Variants in ZFAT observed in about 807,000 individuals in gnomAD.
ZFAT encodes zinc finger and AT-hook domain containing.
Under a neutral mutation model 117.7 loss-of-function variants are expected in ZFAT, and 64 were observed. That is an observed-to-expected ratio of 0.54 (90% CI 0.44 to 0.67). The LOEUF (loss-of-function observed/expected upper bound fraction) is 0.67, where lower values mean the gene tolerates loss of function less well. ZFAT is among the 30% of genes least tolerant of loss of function. The pLI is 0.00. For synonymous variants in ZFAT, 679 were observed against 615.0 expected (o/e 1.10, Z -1.54); for missense variants, 1,433 against 1,584.5 (o/e 0.90, Z 1.62).
the ZFAT span, among the ~76,000 whole-genome samples, chr8:134,782,711 G>A: frequency 6.6e-6 from 1 of 152,064 alleles, no homozygotes; most frequent in Admixed American, 6.6e-5. Flanking sequence ...TGCCATGCAA[G>A]ATGTGCCTTT....
At chr8:134,721,292 G>A in the ZFAT span, among the ~76,000 whole-genome samples, 11 of 152,206 alleles carry the variant, frequency 7.2e-5, no homozygotes, top group African/African-American at 1.9e-4. Flanking sequence ...ACCCGGGCCC[G>A]ATGTGAAATG....
intron 14 of ZFAT, among the ~76,000 whole-genome samples, chr8:134,511,569 A>C (rs1352830915): frequency 2.0e-5 from 3 of 152,122 alleles, no homozygotes. Context: ...AACTGGGTAA[A>C]AATGGTGTCT....
chr8:134,528,389 T>C (rs16905165), intron 12 of ZFAT, among the ~76,000 whole-genome samples: 25,780 of 152,224 alleles, frequency 0.17, 2,416 homozygotes, highest in Admixed American at 0.3. Flanking sequence ...TTATTGAATC[T>C]GGGCCCTAAT....
intron 3 of ZFAT, among the ~76,000 whole-genome samples, chr8:134,631,750 G>C (rs1361127565): frequency 1.3e-5 from 2 of 152,196 alleles, no homozygotes; most frequent in East Asian, 3.8e-4. Context: ...CAAATTGGCA[G>C]CAAGCCACGC....
chr8:134,641,559 T>C (rs1231505411), intron 2 of ZFAT, among the ~76,000 whole-genome samples: 1 of 152,174 alleles, frequency 6.6e-6, no homozygotes, highest in Non-Finnish European at 1.5e-5. Context: ...GTAGGGTGTG[T>C]ATGCGCCCAC....
the ZFAT span, among the ~76,000 whole-genome samples, chr8:134,824,434 AAAC>A: frequency 5.1e-4 from 77 of 152,338 alleles, no homozygotes; most frequent in Non-Finnish European, 9.1e-4. Context: ...TCGTATTTTT[AAAC>A]AACAGAACCT....
chr8:134,592,796 C>A (rs922366435), intron 7 of ZFAT, among the ~76,000 whole-genome samples: 5 of 152,114 alleles, frequency 3.3e-5, no homozygotes, highest in Admixed American at 3.3e-4. Flanking sequence ...TGTTCCCCAG[C>A]GTACACTTAG....
rs1831682945 is a variant in ZFAT, at chr8:134,657,551, G to T, written c.196+10C>A. ...AGAAGGTATCCTGCCCCACCCCCCA[G>T]CCCCCTTACCATCTCCGGTTTTGCT... is the stretch of plus-strand genomic sequence containing the variant. On this transcript the variant is annotated intron_variant, in intron 2 of 15. Transcript: ENST00000377838. 2 of 1,602,652 alleles carry T rather than the reference G, an allele frequency of 1.2e-6. No homozygotes were observed. Among genetic ancestry groups the T allele is most frequent in the African/African-American group, 2.7e-5 (2 of 74,738 alleles).
At chr8:134,678,454 A>G (rs1389585015) in intron 1 of ZFAT, among the ~76,000 whole-genome samples, 2 of 152,198 alleles carry the variant, frequency 1.3e-5, no homozygotes, top group African/African-American at 4.8e-5. Context: ...GACACAAACA[A>G]ATGGAAAAAT....
intron 3 of ZFAT, among the ~76,000 whole-genome samples, chr8:134,626,634 A>G (rs1007639023): frequency 6.6e-6 from 1 of 152,200 alleles, no homozygotes; most frequent in Non-Finnish European, 1.5e-5. Context: ...TCTGGAGGGG[A>G]TGGCTCAGGG....
rs181012856 is a variant in ZFAT, at chr8:134,710,072, G to A, written c.19+2773C>T. On this transcript the variant is annotated intron_variant, in intron 1 of 15. Coordinates refer to ENST00000377838, the MANE Select transcript of ZFAT (RefSeq NM_020863.4). ...TCATTTGGTACAGCTGGAAATTGAA[G>A]GAAACTTCAACATATGTCCAGGGTT... Among the ~76,000 whole-genome samples, 561 of 152,308 alleles carry A rather than the reference G, an allele frequency of 3.7e-3. 9 individuals carry two copies. Among genetic ancestry groups the A allele is most frequent in the African/African-American group, 0.013 (525 of 41,556 alleles).
intron 10 of ZFAT, among the ~76,000 whole-genome samples, chr8:134,574,197 G>A (rs1267227334): frequency 6.6e-6 from 1 of 152,128 alleles, no homozygotes; most frequent in Non-Finnish European, 1.5e-5. Flanking sequence ...GAAGCCCCTG[G>A]GCTCAAGCAG....
chr8:134,594,797 T>C (rs999564892), intron 7 of ZFAT: 5 of 152,102 alleles, frequency 3.3e-5, no homozygotes, highest in African/African-American at 9.7e-5. Flanking sequence ...GAAAGTAACA[T>C]CAAACTTACC....
intron 11 of ZFAT, among the ~76,000 whole-genome samples, chr8:134,549,852 G>A (rs917813864): frequency 1.3e-5 from 2 of 152,120 alleles, no homozygotes; most frequent in Admixed American, 6.5e-5. Flanking sequence ...CCCACTGACA[G>A]TCACAGGAGA....
At chr8:134,589,601 T>C (rs547419056) in intron 8 of ZFAT, among the ~76,000 whole-genome samples, 4 of 152,294 alleles carry the variant, frequency 2.6e-5, no homozygotes, top group Admixed American at 2.6e-4. Flanking sequence ...TGGGAGTTGC[T>C]GGAGAGTCAC....
At chr8:134,657,530 G>T (rs1354629960) in intron 2 of ZFAT, 31 bp downstream of exon 2, 1 of 1,572,050 alleles carries the variant, frequency 6.4e-7, no homozygotes, top group East Asian at 2.3e-5. Flanking sequence ...TGTGTCAGAA[G>T]GTATCCTGCC....
At chr8:134,756,782 G>A in the ZFAT span, among the ~76,000 whole-genome samples, 27 of 152,180 alleles carry the variant, frequency 1.8e-4, no homozygotes, top group East Asian at 7.7e-4. Flanking sequence ...TGCAGGATCC[G>A]GAAAGCTGCC....
intron 1 of ZFAT, among the ~76,000 whole-genome samples, chr8:134,670,130 T>G (rs936367944): frequency 2.0e-5 from 3 of 152,196 alleles, no homozygotes; most frequent in African/African-American, 7.2e-5. Context: ...CAAAGAGACT[T>G]AGACTCCCAC....
rs1307086489 is a variant in ZFAT, at chr8:134,565,684, A to G, written c.2888-263T>C. The G allele has an allele frequency of 1.2e-5, 7 of 565,556 alleles. No homozygotes were observed. In the East Asian group the frequency reaches 1.3e-4, roughly 10 times the overall value. The allele number at this position is 565,556 out of a possible 1,614,324, so 35.0% of individuals were successfully genotyped here. A position where few individuals can be genotyped will look rare whatever the true frequency, so the allele number is the denominator to read the frequency against. On this transcript the variant is annotated intron_variant, in intron 10 of 15. Coordinates refer to ENST00000377838, the MANE Select transcript of ZFAT (RefSeq NM_020863.4). Reference sequence around the variant, plus strand: ...GCCCCATGAGCAATGACATTCGATCAGGCTCCTAAAGAAAGAGTAAGGGTG... The same window carrying G: ...GCCCCATGAGCAATGACATTCGATCGGGCTCCTAAAGAAAGAGTAAGGGTG...
Sources: allele counts gnomAD v4.1 joint callset (sites outside exome capture counted in the v4.1 genomes callset), GRCh38; gene constraint gnomAD v4.1.1; transcripts MANE v1.5; gene names NCBI Gene and HGNC (gene_info 2026-07-23, HGNC 2026-07-21).